CR1: variants seen among roughly 807,000 people sequenced by gnomAD.
CR1 encodes complement receptor type 1.
In CR1, 116 loss-of-function variants were observed where a neutral mutation model predicts 187.3. The observed-to-expected ratio is 0.62, with a 90% confidence interval of 0.53 to 0.72. The LOEUF is 0.72. Ranked by LOEUF, CR1 falls within the 30% of genes least tolerant of loss-of-function variation. The probability of loss-of-function intolerance (pLI) is 0.00; values close to 1 mark genes in which losing one functional copy is unlikely to be tolerated. For synonymous variants in CR1, 576 were observed against 747.1 expected (o/e 0.77, Z 3.73); for missense variants, 1,731 against 2,110.7 (o/e 0.82, Z 3.52).
chr1:207,613,548 G>A (rs188458357), intron 39 of CR1, among the ~76,000 whole-genome samples: 2 of 151,948 alleles, frequency 1.3e-5, no homozygotes, highest in East Asian at 3.9e-4. Context: ...TGAAGGTCGG[G>A]TTTCACCGGG....
intron 42 of CR1, among the ~76,000 whole-genome samples, chr1:207,618,982 G>T (rs1022338908): frequency 1.4e-5 from 2 of 142,116 alleles, no homozygotes; most frequent in Non-Finnish European, 3.0e-5. Context: ...AGGTTGCAGT[G>T]AGCTGAGATC....
chr1:207,576,611 A>C (rs1415115592), intron 28 of CR1, among the ~76,000 whole-genome samples: 4 of 152,198 alleles, frequency 2.6e-5, no homozygotes, highest in Non-Finnish European at 4.4e-5. Context: ...TTAGCCCAGG[A>C]GTTTGAGACC....
intron 39 of CR1, 133 bp from the exon 40 acceptor site, chr1:207,614,271 T>G (rs1662027765): frequency 1.5e-6 from 1 of 674,588 alleles, no homozygotes; most frequent in Non-Finnish European, 2.6e-6. Context: ...GACTTTTAGC[T>G]GGGCCTGAAC....
At chr1:207,518,918 A>G (rs979600944) in intron 4 of CR1, among the ~76,000 whole-genome samples, 6 of 152,216 alleles carry the variant, frequency 3.9e-5, no homozygotes, top group African/African-American at 1.2e-4. Context: ...TATTCAACCC[A>G]TTACAATCCC....
At chr1:207,589,045 A>C (rs745373854) in intron 35 of CR1, among the ~76,000 whole-genome samples, 28 of 152,348 alleles carry the variant, frequency 1.8e-4, no homozygotes, top group Non-Finnish European at 1.2e-4. Flanking sequence ...CATTCATTGG[A>C]TGAAAAGGAG....
chr1:207,600,798 C>G (rs764370679), intron 35 of CR1: 3 of 152,008 alleles, frequency 2.0e-5, no homozygotes, highest in Non-Finnish European at 2.9e-5. Context: ...CTAATTTGTC[C>G]AAATTCATGT....
intron 32 of CR1, among the ~76,000 whole-genome samples, chr1:207,583,832 G>A (rs150322108): frequency 5.9e-5 from 9 of 152,164 alleles, no homozygotes; most frequent in Middle Eastern, 3.4e-3. Flanking sequence ...ACCTGAAATC[G>A]CTTACTAGAG....
chr1:207,577,783 T>G (rs556977297), intron 28 of CR1, 22 bp from the exon 29 acceptor site: 11 of 1,613,164 alleles, frequency 6.8e-6, no homozygotes, highest in Middle Eastern at 1.7e-4. Flanking sequence ...TTGTTTTGGT[T>G]AACTTGCTGT....
At chr1:207,590,208 G>A (rs759568024) in intron 35 of CR1, among the ~76,000 whole-genome samples, 26 of 152,206 alleles carry the variant, frequency 1.7e-4, no homozygotes, top group Non-Finnish European at 2.6e-4. Context: ...GGCAGCCAGA[G>A]AGAAAGGTCG....
intron 35 of CR1, among the ~76,000 whole-genome samples, chr1:207,592,637 A>C (rs1236353404): frequency 6.6e-6 from 1 of 152,196 alleles, no homozygotes; most frequent in Admixed American, 6.5e-5. Context: ...TTCAAATAGG[A>C]AGAGAGGAAG....
intron 35 of CR1, among the ~76,000 whole-genome samples, chr1:207,596,563 G>A (rs1429319207): frequency 2.0e-5 from 3 of 151,920 alleles, no homozygotes; most frequent in East Asian, 1.9e-4. Context: ...GCAGTGAGCC[G>A]AGATGGTGCC....
At position 207,506,085 on chromosome 1, in the gene CR1, T is replaced by A; in HGVS notation, c.301+2T>A. 6.2e-7 allele frequency: 1 copy of A among 1,612,084 alleles called. No homozygotes were observed. The highest frequency in any genetic ancestry group is 8.5e-7 in the Non-Finnish European group (1 of 1,179,234). On this transcript the variant is annotated splice_donor_variant, in intron 2 of 46. Coordinates refer to ENST00000367049, the MANE Select transcript of CR1 (RefSeq NM_000651.6). LOFTEE classifies it high-confidence loss of function. ...CTGGTGCTAAGGACAGGTGCAGACGTAAGTAACTCTGGAGTGGGAACCCCC... is the reference window on the plus strand; with the variant it reads ...CTGGTGCTAAGGACAGGTGCAGACGAAAGTAACTCTGGAGTGGGAACCCCC...
chr1:207,580,486 CTT>C (rs75072508), intron 30 of CR1, 23 bp from the exon 31 acceptor site: 500 of 1,365,506 alleles, frequency 3.7e-4, no homozygotes, highest in Middle Eastern at 8.2e-4. Flanking sequence ...CCTATTTTTT[CTT>C]TTTTTTTTTT....
chr1:207,589,444 C>A (rs1011374419), intron 35 of CR1, among the ~76,000 whole-genome samples: 4 of 152,132 alleles, frequency 2.6e-5, no homozygotes, highest in African/African-American at 2.4e-5. Context: ...CACATGAAAA[C>A]CCCATCCAAA....
chr1:207,609,812 T>G (rs1661868929), intron 37 of CR1, 124 bp downstream of exon 37: 1 of 981,178 alleles, frequency 1.0e-6, no homozygotes, highest in African/African-American at 1.7e-5. Flanking sequence ...GTAGCTTCAC[T>G]GTCTGTTATC....
chr1:207,521,828 G>A (rs149472297), intron 4 of CR1, among the ~76,000 whole-genome samples: 2 of 124,318 alleles, frequency 1.6e-5, no homozygotes, highest in African/African-American at 5.7e-5. Flanking sequence ...ATATATATAT[G>A]TATATATACT....
chr1:207,565,768 G>A (rs1660474202), intron 23 of CR1, 70 bp from the exon 24 acceptor site: 2 of 1,596,952 alleles, frequency 1.3e-6, no homozygotes, highest in Admixed American at 1.7e-5. Context: ...TTGGGGCTGG[G>A]CCTTAGATTG....
Position 207,563,983 on chromosome 1 carries a change from G to C in CR1, c.3706G>C (p.Ala1236Pro). 6.6e-7 allele frequency: 1 copy of C among 1,521,380 alleles called. No homozygotes were observed. The highest frequency in any genetic ancestry group is 8.7e-7 in the Non-Finnish European group (1 of 1,149,310). 94.2% of individuals were successfully genotyped at this position (1,521,380 alleles called of 1,614,324 possible). Residue 1236 changes from alanine (A) to proline (P), a missense_variant, in exon 22 of 47, where the codon GCG becomes CCG. By Grantham distance (27) the Ala-to-Pro change is conservative. Around this residue, in one of 5 missense-constraint regions of CR1, gnomAD observed 34 missense variants for 79.5 expected, o/e 0.43. Coordinates refer to ENST00000367049, the MANE Select transcript of CR1 (RefSeq NM_000651.6). ...GCCCGGCTATGACCTCAGAGGGGCT[G>C]CGTCTATGCGCTGCACACCCCAGGG... ...CEPGYDLRGAASMRCTPQGDW... is the reference protein window; with the variant it reads ...CEPGYDLRGAPSMRCTPQGDW...
chr1:207,577,261 C>CAA (rs780785123), intron 28 of CR1, among the ~76,000 whole-genome samples: 23,895 of 138,584 alleles, frequency 0.17, 2,115 homozygotes, highest in South Asian at 0.38. Flanking sequence ...AACAAACAAA[C>CAA]AAACAAAAAA....
Sources: allele counts gnomAD v4.1 joint callset (sites outside exome capture counted in the v4.1 genomes callset), GRCh38; gene constraint gnomAD v4.1.1; regional missense constraint gnomAD v4.1.1; transcripts MANE v1.5; gene names NCBI Gene and HGNC (gene_info 2026-07-23, HGNC 2026-07-21).